Variants in FGFR3 observed in about 807,000 individuals in gnomAD.
FGFR3 encodes FGFR-3.
In FGFR3, 25 loss-of-function variants were observed where a neutral mutation model predicts 82.9. The ratio of observed to expected loss-of-function variants is 0.30; its 90% CI spans 0.22 to 0.42. The LOEUF is 0.42. Among genes scored for constraint, FGFR3 ranks in the 10% least tolerant of loss-of-function variants. The probability of loss-of-function intolerance (pLI) is 1.00; values close to 1 mark genes in which losing one functional copy is unlikely to be tolerated. For synonymous variants in FGFR3, 620 were observed against 516.0 expected (o/e 1.20, Z -2.73); for missense variants, 1,026 against 1,161.0 (o/e 0.88, Z 1.69).
chr4:1,804,606 G>A (rs549291798), intron 9 of FGFR3, 86 bp downstream of exon 9: 5 of 1,554,246 alleles, frequency 3.2e-6, no homozygotes, highest in Non-Finnish European at 3.5e-6. Context: ...GTCCTGGGCT[G>A]TGTGAGCCCT....
chr4:1,799,047 G>C (rs550753617), intron 2 of FGFR3, among the ~76,000 whole-genome samples: 1 of 152,222 alleles, frequency 6.6e-6, no homozygotes, highest in Non-Finnish European at 1.5e-5. Flanking sequence ...GAGGCAGACC[G>C]GAGTCCTTGG....
rs762705505 is a variant in FGFR3 at position 1,804,455 on chromosome 4, C to G, written c.1201C>G (p.Pro401Ala). ...AAVTLCRLRSPPKKGLGSPTV... is the reference protein window; with the variant it reads ...AAVTLCRLRSAPKKGLGSPTV... The stretch of plus-strand genomic sequence containing the variant: ...TGTGACGCTCTGCCGCCTGCGCAGC[C>G]CCCCCAAGAAAGGCCTGGGCTCCCC... Residue 401 changes from proline (P) to alanine (A), a missense_variant, in exon 9 of 18, where the codon CCC becomes GCC. This residue lies in a region of FGFR3 where 256 missense variants were observed against 217.6 expected (regional missense o/e 1.18). Coordinates refer to ENST00000440486, the MANE Select transcript of FGFR3 (RefSeq NM_000142.5). 63 of 1,612,840 alleles carry G rather than the reference C, an allele frequency of 3.9e-5. No individual in the cohort carries two copies. The highest frequency in any genetic ancestry group is 2.2e-4 in the Admixed American group (13 of 59,944).
At position 1,801,805 on chromosome 4, in the gene FGFR3, G is replaced by A. The variant is rs779655576; in HGVS notation, c.740-30G>A. ...AGTGGCGGTGGTGGTGAGGGAGGGGGTGGCCCCTGAGCGTCATCTGCCCCC... is the reference window on the plus strand; with the variant it reads ...AGTGGCGGTGGTGGTGAGGGAGGGGATGGCCCCTGAGCGTCATCTGCCCCC... On this transcript the variant is annotated intron_variant, in intron 6 of 17. Transcript: ENST00000440486. 1.0e-5 allele frequency: 16 copies of A among 1,599,526 alleles called. No individual in the cohort carries two copies. The South Asian group carries it at 1.8e-4, about 18-fold the overall frequency.
chr4:1,794,306 C>G (rs1391679881), intron 2 of FGFR3, among the ~76,000 whole-genome samples: 1 of 152,248 alleles, frequency 6.6e-6, no homozygotes, highest in Non-Finnish European at 1.5e-5. Context: ...GCCCCGATCC[C>G]CTGCGACTCC....
At position 1,801,338 on chromosome 4, in the gene FGFR3, A is replaced by G. The variant is rs372899290; in HGVS notation, c.446-29A>G. ...AGGGGCCTCTGCTCCCACTCGGGTCATGGCCTTCACACGCACCTCGGCCCG... is the reference window on the plus strand; with the variant it reads ...AGGGGCCTCTGCTCCCACTCGGGTCGTGGCCTTCACACGCACCTCGGCCCG... On this transcript the variant is annotated intron_variant, in intron 4 of 17. Coordinates refer to ENST00000440486, the MANE Select transcript of FGFR3 (RefSeq NM_000142.5). 7.1e-6 allele frequency: 11 copies of G among 1,545,014 alleles called. No homozygotes were observed. The African/African-American group carries it at 1.5e-4, about 21-fold the overall frequency.
Position 1,807,839 on chromosome 4 carries a change from A to G in FGFR3, c.*577A>G. ...ATGGGAGCCTTTACCTTTTATGCAA[A>G]AGGTTTATTCCGGAAACTAGTGTAC... On this transcript the variant is annotated 3_prime_UTR_variant, in exon 18 of 18. Transcript: ENST00000440486. 2.3e-6 allele frequency: 1 copy of G among 442,742 alleles called. No individual in the cohort carries two copies. Among genetic ancestry groups the G allele is most frequent in the Non-Finnish European group, 4.3e-6 (1 of 232,900 alleles). The allele number at this position is 442,742 out of a possible 1,614,324, so 27.4% of individuals were successfully genotyped here.
chr4:1,807,287 G>C lies in FGFR3; in HGVS notation c.*25G>C, dbSNP rs976206582. The C allele has an allele frequency of 6.3e-7, 1 of 1,579,458 alleles. No homozygotes were observed. Among genetic ancestry groups the C allele is most frequent in the African/African-American group, 1.3e-5 (1 of 74,286 alleles). Reference sequence around the variant, plus strand: ...AAGGGCCACTGGTCCCCAACAATGTGAGGGGTCCCTAGCAGCCCACCCTGC... The same window carrying C: ...AAGGGCCACTGGTCCCCAACAATGTCAGGGGTCCCTAGCAGCCCACCCTGC... On this transcript the variant is annotated 3_prime_UTR_variant, in exon 18 of 18. Transcript: ENST00000440486.
chr4:1,795,258 G>C (rs1249533666), intron 2 of FGFR3, among the ~76,000 whole-genome samples: 1 of 152,132 alleles, frequency 6.6e-6, no homozygotes. Flanking sequence ...GGGCGGCCGC[G>C]GGGGGAGCTT....
intron 14 of FGFR3, 24 bp downstream of exon 14, chr4:1,806,197 G>C (rs2108807937): frequency 6.2e-7 from 1 of 1,612,604 alleles, no homozygotes; most frequent in Non-Finnish European, 8.5e-7. Context: ...TGGGGTGCGG[G>C]GGTGGGGGTC....
intron 2 of FGFR3, among the ~76,000 whole-genome samples, chr4:1,796,510 C>T (rs3135852): frequency 2.6e-4 from 39 of 152,230 alleles, no homozygotes; most frequent in Non-Finnish European, 3.8e-4. Flanking sequence ...TTTCCTGACC[C>T]CAGGCCCTCA....
rs10023340 is a variant in FGFR3 at position 1,793,830 on chromosome 4, T to C, written c.-102-3T>C. ...CTAACGAGCTGCCTTCCTCCTCCTG[T>C]AGTCTCCCGAGCGGCGCCCGCCTCC... On this transcript the variant is annotated splice_polypyrimidine_tract_variant and splice_region_variant and intron_variant, in intron 1 of 17. Transcript: ENST00000440486. 1 allele frequency: 198,822 copies of C among 199,314 alleles called. 99,169 individuals carry two copies. The highest frequency in any genetic ancestry group is 1 in the East Asian group (5,914 of 5,914). The allele number at this position is 199,314 out of a possible 1,614,324, so 12.3% of individuals were successfully genotyped here.
intron 3 of FGFR3, 24 bp from the exon 4 acceptor site, chr4:1,799,723 G>C (rs1198680340): frequency 1.2e-6 from 2 of 1,612,420 alleles, no homozygotes; most frequent in East Asian, 2.2e-5. Context: ...TTGGGCATTG[G>C]TTGCGGCCAT....
intron 8 of FGFR3, 77 bp from the exon 9 acceptor site, chr4:1,804,253 G>A: frequency 6.7e-7 from 1 of 1,497,258 alleles, no homozygotes; most frequent in Non-Finnish European, 8.9e-7. Flanking sequence ...GGTGCCTGCG[G>A]CTCTGGGCCA....
intron 3 of FGFR3, 51 bp from the exon 4 acceptor site, chr4:1,799,696 G>A: frequency 1.2e-6 from 2 of 1,606,700 alleles, no homozygotes; most frequent in South Asian, 1.1e-5. Context: ...GGGCACCTGG[G>A]GGCCTCCTGG....
intron 7 of FGFR3, 128 bp downstream of exon 7, chr4:1,802,153 G>A (rs963278684): frequency 2.0e-6 from 2 of 1,003,678 alleles, no homozygotes; most frequent in African/African-American, 1.6e-5. Context: ...GAAGCTGTGG[G>A]GGTGCTTGTG....
intron 7 of FGFR3, chr4:1,803,277 C>T: frequency 6.8e-6 from 4 of 585,426 alleles, no homozygotes; most frequent in South Asian, 2.7e-5. Context: ...CGCACGCCTG[C>T]GACCCCCACA....
chr4:1,803,726 A>G lies in FGFR3; in HGVS notation c.965A>G (p.Glu322Gly), dbSNP rs1281038061. ...AGANTTDKEL[E>G]VLSLHNVTFE... is the part of the protein sequence containing the mutation. Reference sequence around the variant, plus strand: ...GCTAACACCACCGACAAGGAGCTAGAGGTTCTCTCCTTGCACAACGTCACC... The same window carrying G: ...GCTAACACCACCGACAAGGAGCTAGGGGTTCTCTCCTTGCACAACGTCACC... Residue 322 changes from glutamate to glycine, a missense_variant, in exon 8 of 18, where the codon GAG (glutamate) becomes GGG (glycine). By Grantham distance (98) the Glu-to-Gly change is moderately conservative. Coordinates refer to ENST00000440486, the MANE Select transcript of FGFR3 (RefSeq NM_000142.5). 1.2e-6 allele frequency: 2 copies of G among 1,613,948 alleles called. No individual in the cohort carries two copies. The highest frequency in any genetic ancestry group is 1.7e-6 in the Non-Finnish European group (2 of 1,180,000).
intron 7 of FGFR3, chr4:1,802,958 G>T: frequency 6.2e-7 from 1 of 1,603,662 alleles, no homozygotes; most frequent in Admixed American, 1.7e-5. Flanking sequence ...GCCTCCGCCT[G>T]GCCAATGTGT....
At chr4:1,795,396 C>T (rs905924802) in intron 2 of FGFR3, among the ~76,000 whole-genome samples, 9 of 151,810 alleles carry the variant, frequency 5.9e-5, no homozygotes, top group Admixed American at 5.9e-4. Flanking sequence ...CGCGGGGCCT[C>T]CCCCAGTCGC....
Sources: allele counts gnomAD v4.1 joint callset (sites outside exome capture counted in the v4.1 genomes callset), GRCh38; gene constraint gnomAD v4.1.1; regional missense constraint gnomAD v4.1.1; transcripts MANE v1.5; gene names NCBI Gene and HGNC (gene_info 2026-07-23, HGNC 2026-07-21).